Variants in PPP1R12B observed in about 807,000 individuals in gnomAD.
The protein encoded by PPP1R12B is myosin phosphatase target subunit 2.
A neutral mutation model predicts 126.1 loss-of-function variants in PPP1R12B; 76 were observed. The observed-to-expected ratio is 0.60, with a 90% CI of 0.50 to 0.73. The LOEUF is 0.73. Ranked by LOEUF, PPP1R12B falls within the 30% of genes least tolerant of loss-of-function variation. The pLI, the probability that PPP1R12B is intolerant of heterozygous loss-of-function variation, is 0.00. For missense variants in PPP1R12B, 1,052 were observed against 1,205.1 expected (o/e 0.87, Z 1.88); for synonymous variants, 356 against 434.7 (o/e 0.82, Z 2.25).
chr1:202,454,031 C>G (rs1673322651), intron 13 of PPP1R12B, among the ~76,000 whole-genome samples: 1 of 152,156 alleles, frequency 6.6e-6, no homozygotes, highest in Non-Finnish European at 1.5e-5. Flanking sequence ...CTGACAAAAA[C>G]TCTCTTTAAA....
At chr1:202,578,842 AATAG>A (rs1464400689) in intron 23 of PPP1R12B, among the ~76,000 whole-genome samples, 1 of 152,260 alleles carries the variant, frequency 6.6e-6, no homozygotes, top group Admixed American at 6.5e-5. Context: ...TGCCTAAAGT[AATAG>A]ATCACTAGTG....
At chr1:202,437,383 C>A (rs535462571) in intron 9 of PPP1R12B, among the ~76,000 whole-genome samples, 15 of 152,026 alleles carry the variant, frequency 9.9e-5, no homozygotes, top group Non-Finnish European at 1.9e-4. Context: ...TTCCAGTCTC[C>A]ACATATTATA....
intron 18 of PPP1R12B, chr1:202,501,729 A>C (rs1680244474): frequency 3.0e-6 from 1 of 336,236 alleles, no homozygotes; most frequent in South Asian, 1.2e-4. Context: ...TGGGCATGAC[A>C]TCTCTGCTAG....
At chr1:202,370,887 G>C (rs1395350755) in intron 1 of PPP1R12B, among the ~76,000 whole-genome samples, 1 of 151,730 alleles carries the variant, frequency 6.6e-6, no homozygotes, top group African/African-American at 2.4e-5. Context: ...TTCTGATGTG[G>C]TTGTACCATT....
intron 3 of PPP1R12B, among the ~76,000 whole-genome samples, chr1:202,423,346 T>C (rs369299099): frequency 2.0e-5 from 3 of 149,718 alleles, no homozygotes; most frequent in African/African-American, 7.4e-5. Flanking sequence ...TTGTAGTGAT[T>C]TTTTTTTTTA....
chr1:202,517,695 G>A (rs1158518694), intron 18 of PPP1R12B, among the ~76,000 whole-genome samples: 3 of 151,394 alleles, frequency 2.0e-5, no homozygotes, highest in African/African-American at 2.4e-5. Flanking sequence ...GCGTGATCTC[G>A]GCTCACTGCA....
At position 202,437,823 on chromosome 1, in the gene PPP1R12B, C is replaced by A. The variant is rs201237332; in HGVS notation, c.1257C>A (p.Phe419Leu). 255 of 1,601,762 alleles carry A rather than the reference C, an allele frequency of 1.6e-4. No individual in the cohort carries two copies. The African/African-American group carries it at 2.3e-3, about 14-fold the overall frequency. The change falls in exon 10 of 24, where the codon TTC (phenylalanine) becomes TTA (leucine). Residue 419 changes from phenylalanine (F) to leucine (L), a missense_variant and splice_region_variant. Phe to Leu is a conservative substitution (Grantham distance 22, BLOSUM62 0). Coordinates refer to ENST00000608999, the MANE Select transcript of PPP1R12B (RefSeq NM_002481.4). ...NTFSASSARR[F>L]SSGLFNKPEE... is the part of the protein sequence containing the mutation. Reference sequence around the variant, plus strand: ...TCTTTTATTTGCTTCTCTCATAGTTCTCTTCTGGCCTTTTTAACAAGCCAG... The same window carrying A: ...TCTTTTATTTGCTTCTCTCATAGTTATCTTCTGGCCTTTTTAACAAGCCAG...
chr1:202,567,937 G>A lies in PPP1R12B; in HGVS notation c.2811+106G>A, dbSNP rs148053824. ...GGAAAAAGTCCATCTTAAGAAGGAGGGAGTTCTGCCACATTCCATTCCCAG... is the reference window on the plus strand; with the variant it reads ...GGAAAAAGTCCATCTTAAGAAGGAGAGAGTTCTGCCACATTCCATTCCCAG... On this transcript the variant is annotated intron_variant, in intron 22 of 23. Transcript: ENST00000608999. 1,836 of 1,342,818 alleles carry A rather than the reference G, an allele frequency of 1.4e-3. 19 individuals are homozygous for A. In the African/African-American group the frequency reaches 0.025, roughly 18 times the overall value. The allele number at this position is 1,342,818 out of a possible 1,614,324, so 83.2% of individuals were successfully genotyped here. A position where few individuals can be genotyped will look rare whatever the true frequency, so the allele number is the denominator to read the frequency against.
chr1:202,576,833 A>T (rs1689138946), intron 23 of PPP1R12B: 1 of 152,024 alleles, frequency 6.6e-6, no homozygotes, highest in Admixed American at 6.6e-5. Context: ...ATGAAAAAAA[A>T]AAAACTGAGT....
intron 18 of PPP1R12B, among the ~76,000 whole-genome samples, chr1:202,548,772 CGCTG>C (rs1339524451): frequency 1.2e-3 from 116 of 93,796 alleles, no homozygotes; most frequent in South Asian, 7.8e-3. Flanking sequence ...CTCACTCGCT[CGCTG>C]TCTCTCTCTC....
intron 1 of PPP1R12B, among the ~76,000 whole-genome samples, chr1:202,371,378 T>C (rs143701654): frequency 5.1e-4 from 78 of 152,188 alleles, no homozygotes; most frequent in Middle Eastern, 3.4e-3. Context: ...CTTTTTAATA[T>C]TAGCCATTGT....
chr1:202,427,628 A>G (rs1355644029), intron 5 of PPP1R12B, among the ~76,000 whole-genome samples: 3 of 151,908 alleles, frequency 2.0e-5, no homozygotes, highest in Non-Finnish European at 4.4e-5. Flanking sequence ...TCCTATCCCT[A>G]TGTCTACTGA....
chr1:202,423,977 G>T (rs375649309), intron 3 of PPP1R12B, among the ~76,000 whole-genome samples: 1 of 152,218 alleles, frequency 6.6e-6, no homozygotes, highest in Admixed American at 6.5e-5. Flanking sequence ...GAGCTATAGC[G>T]CCTGGCTTTG....
chr1:202,580,565 G>A lies in PPP1R12B; in HGVS notation c.*5G>A, dbSNP rs1689491948. On this transcript the variant is annotated 3_prime_UTR_variant, in exon 24 of 24. Transcript: ENST00000608999. ...ATCAGCAAACTGTCCAAGTAGGCTA[G>A]GCTCCAGATTTATGAGGAAAGAAAG... 6.2e-7 allele frequency: 1 copy of A among 1,608,746 alleles called. No individual in the cohort carries two copies. The highest frequency in any genetic ancestry group is 8.5e-7 in the Non-Finnish European group (1 of 1,175,086).
intron 1 of PPP1R12B, among the ~76,000 whole-genome samples, chr1:202,385,979 G>T (rs1306195082): frequency 8.6e-5 from 13 of 151,758 alleles, no homozygotes; most frequent in Admixed American, 2.6e-4. Flanking sequence ...TGTCACCCAG[G>T]CTGGAGTGCA....
intron 18 of PPP1R12B, among the ~76,000 whole-genome samples, chr1:202,532,173 T>C (rs1401606362): frequency 1.3e-5 from 2 of 152,226 alleles, no homozygotes; most frequent in Non-Finnish European, 2.9e-5. Flanking sequence ...TTGTAAACTG[T>C]CGTGTCACTG....
At chr1:202,361,327 G>A (rs1412262269) in intron 1 of PPP1R12B, among the ~76,000 whole-genome samples, 1 of 152,232 alleles carries the variant, frequency 6.6e-6, no homozygotes, top group Admixed American at 6.5e-5. Flanking sequence ...GGAAGCATGA[G>A]GCCAGCATCT....
chr1:202,439,255 T>A, intron 10 of PPP1R12B: 1 of 1,385,300 alleles, frequency 7.2e-7, no homozygotes, highest in South Asian at 1.2e-5. Flanking sequence ...ATCAAGGCTG[T>A]CCTCCACAGA....
chr1:202,457,756 G>T (rs1373609552), intron 13 of PPP1R12B, among the ~76,000 whole-genome samples: 2 of 152,110 alleles, frequency 1.3e-5, no homozygotes, highest in Non-Finnish European at 2.9e-5. Flanking sequence ...ACCAGAGGAG[G>T]TAACTGGAGT....
Sources: allele counts gnomAD v4.1 joint callset (sites outside exome capture counted in the v4.1 genomes callset), GRCh38; gene constraint gnomAD v4.1.1; transcripts MANE v1.5; gene names NCBI Gene and HGNC (gene_info 2026-07-23, HGNC 2026-07-21).